The following ZMAT4 variants were observed in gnomAD, a reference collection of about 807,000 sequenced individuals.
ZMAT4 encodes the protein zinc finger matrin-type protein 4.
In ZMAT4, 17 loss-of-function variants were observed where a neutral mutation model predicts 28.7. That is an observed-to-expected ratio of 0.59 (90% CI 0.41 to 0.89). The LOEUF is 0.89. ZMAT4 is among the 40% of genes least tolerant of loss of function. ZMAT4 has a pLI of 0.00. For synonymous variants in ZMAT4, 117 were observed against 109.2 expected, an observed-to-expected ratio of 1.07 and a Z score of -0.44; for missense variants, 240 against 283.8, an observed-to-expected ratio of 0.85 and a Z score of 1.11.
chr8:40,791,790 G>A (rs957879174), intron 2 of ZMAT4, among the ~76,000 whole-genome samples: 1 of 152,106 alleles, frequency 6.6e-6, no homozygotes, highest in Non-Finnish European at 1.5e-5. Flanking sequence ...CTGAGAAATC[G>A]AAGCTCTCCC....
intron 3 of ZMAT4, among the ~76,000 whole-genome samples, chr8:40,699,596 G>GCACA (rs10681965): frequency 0.033 from 4,881 of 149,658 alleles, 136 homozygotes; most frequent in African/African-American, 0.068. Flanking sequence ...AAATGTAAAT[G>GCACA]CACACACACA....
intron 2 of ZMAT4, among the ~76,000 whole-genome samples, chr8:40,804,624 T>C (rs1054460000): frequency 1.3e-5 from 2 of 152,148 alleles, no homozygotes; most frequent in African/African-American, 4.8e-5. Flanking sequence ...GCAGATCACC[T>C]GAGTCGGGAG....
At chr8:40,626,859 T>A (rs1166902408) in intron 5 of ZMAT4, among the ~76,000 whole-genome samples, 1 of 152,164 alleles carries the variant, frequency 6.6e-6, no homozygotes, top group African/African-American at 2.4e-5. Context: ...AGCTACAGTT[T>A]ACTGAGTTTG....
At chr8:40,551,894 C>T (rs1803379317) in intron 6 of ZMAT4, among the ~76,000 whole-genome samples, 2 of 152,138 alleles carry the variant, frequency 1.3e-5, no homozygotes, top group Non-Finnish European at 2.9e-5. Flanking sequence ...CATAAGCTCC[C>T]AGAGCACTAA....
At chr8:40,888,150 T>C (rs1426308425) in intron 1 of ZMAT4, among the ~76,000 whole-genome samples, 1 of 152,208 alleles carries the variant, frequency 6.6e-6, no homozygotes, top group African/African-American at 2.4e-5. Flanking sequence ...TCCTTCAGCA[T>C]AGGCCAGGGC....
intron 5 of ZMAT4, among the ~76,000 whole-genome samples, chr8:40,613,537 T>C (rs1157987842): frequency 6.6e-6 from 1 of 152,030 alleles, no homozygotes; most frequent in African/African-American, 2.4e-5. Flanking sequence ...CCAACATTTG[T>C]ATATTTACTA....
intron 5 of ZMAT4, among the ~76,000 whole-genome samples, chr8:40,616,792 CGA>C (rs1806024093): frequency 6.6e-6 from 1 of 150,642 alleles, no homozygotes; most frequent in South Asian, 2.1e-4. Flanking sequence ...TGCTAAATGA[CGA>C]GTTAATGGGT....
chr8:40,758,470 G>A (rs4460355), intron 3 of ZMAT4, among the ~76,000 whole-genome samples: 64,116 of 151,872 alleles, frequency 0.42, 13,996 homozygotes, highest in Middle Eastern at 0.52. Flanking sequence ...CTGTGTTGAC[G>A]TATTAAAGAA....
At chr8:40,797,641 C>T (rs1814653626) in intron 2 of ZMAT4, among the ~76,000 whole-genome samples, 4 of 152,142 alleles carry the variant, frequency 2.6e-5, no homozygotes, top group Admixed American at 2.6e-4. Flanking sequence ...TAAGGAACAG[C>T]ATGCAAAATT....
chr8:40,585,969 T>C (rs1804659318), intron 5 of ZMAT4, among the ~76,000 whole-genome samples: 1 of 152,194 alleles, frequency 6.6e-6, no homozygotes, highest in Admixed American at 6.5e-5. Flanking sequence ...CTCCAACAAA[T>C]CTAAAACATA....
At chr8:40,650,219 C>T (rs549221578) in intron 5 of ZMAT4, among the ~76,000 whole-genome samples, 8 of 151,728 alleles carry the variant, frequency 5.3e-5, no homozygotes, top group Admixed American at 1.3e-4. Context: ...ATCAAATAGA[C>T]GCAATAAAAA....
intron 6 of ZMAT4, among the ~76,000 whole-genome samples, chr8:40,561,198 A>T (rs113871156): frequency 6.6e-6 from 1 of 152,160 alleles, no homozygotes; most frequent in Non-Finnish European, 1.5e-5. Flanking sequence ...AAATGGAAAC[A>T]TCTTAAGTTA....
intron 6 of ZMAT4, among the ~76,000 whole-genome samples, chr8:40,564,766 G>A (rs1475611802): frequency 6.6e-6 from 1 of 152,082 alleles, no homozygotes; most frequent in Non-Finnish European, 1.5e-5. Context: ...TTATGTGTTG[G>A]CTTCAACCCT....
intron 2 of ZMAT4, among the ~76,000 whole-genome samples, chr8:40,816,687 G>A (rs1194770236): frequency 6.6e-6 from 1 of 152,152 alleles, no homozygotes; most frequent in Non-Finnish European, 1.5e-5. Flanking sequence ...TCTAGGACAT[G>A]GATAGAGTTC....
Position 40,564,098 on chromosome 8 carries a change from C to T in ZMAT4, c.674+17067G>A, listed in dbSNP as rs530090665. Among the ~76,000 whole-genome samples, 2 of 152,150 alleles carry T rather than the reference C, an allele frequency of 1.3e-5. 1 individual carries two copies. The highest frequency in any genetic ancestry group is 4.1e-4 in the South Asian group (2 of 4,820). On this transcript the variant is annotated intron_variant, in intron 6 of 6. Transcript: ENST00000297737. ...AATTACTTATTTTTGGTCTGTCCTC[C>T]AAAAAGAGAAAATACGTGAATGAGG...
chr8:40,879,734 T>C (rs1818156814), intron 1 of ZMAT4, among the ~76,000 whole-genome samples: 1 of 152,244 alleles, frequency 6.6e-6, no homozygotes, highest in Admixed American at 6.5e-5. Flanking sequence ...ATCAATCATC[T>C]TACCATCCAG....
chr8:40,771,581 G>A (rs1207263748), intron 2 of ZMAT4, among the ~76,000 whole-genome samples: 1 of 152,118 alleles, frequency 6.6e-6, no homozygotes, highest in Non-Finnish European at 1.5e-5. Flanking sequence ...ATCAACCCTT[G>A]TTAATGTCTT....
At chr8:40,837,747 G>A (rs1816548239) in intron 1 of ZMAT4, among the ~76,000 whole-genome samples, 1 of 152,140 alleles carries the variant, frequency 6.6e-6, no homozygotes. Context: ...TGGCTTCTGG[G>A]GGCTAAAATC....
chr8:40,723,032 A>G (rs1169599811), intron 3 of ZMAT4, among the ~76,000 whole-genome samples: 1 of 152,128 alleles, frequency 6.6e-6, no homozygotes, highest in Non-Finnish European at 1.5e-5. Flanking sequence ...ACTTGGGGAG[A>G]AGACAGGGAT....
Sources: gnomAD v4.1 joint callset for allele counts (sites outside exome capture counted in the v4.1 genomes callset) on GRCh38, gnomAD v4.1.1 for gene constraint, MANE v1.5 for transcripts, NCBI Gene and HGNC (gene_info 2026-07-23, HGNC 2026-07-21) for gene names.